Variants in EDIL3 observed in about 807,000 individuals in gnomAD.
The protein encoded by EDIL3 is EGF-like repeat and discoidin I-like domain-containing protein 3.
Under a neutral mutation model 67.4 loss-of-function variants are expected in EDIL3, and 37 were observed. The observed-to-expected ratio is 0.55, with a 90% CI of 0.42 to 0.72. The LOEUF (loss-of-function observed/expected upper bound fraction) is 0.72. Among genes scored for constraint, EDIL3 ranks in the 30% least tolerant of loss-of-function variants. EDIL3 has a pLI of 0.00. For synonymous variants in EDIL3, 195 were observed against 196.3 expected (o/e 0.99, Z 0.05); for missense variants, 527 against 586.3 (o/e 0.90, Z 1.04).
chr5:83,949,125 A>G (rs571574533), intron 10 of EDIL3, among the ~76,000 whole-genome samples: 1 of 151,770 alleles, frequency 6.6e-6, no homozygotes, highest in Admixed American at 6.6e-5. Flanking sequence ...TATATTGATC[A>G]TCAGTCTGCA....
At chr5:84,275,321 T>C (rs1445849537) in intron 1 of EDIL3, among the ~76,000 whole-genome samples, 2 of 152,214 alleles carry the variant, frequency 1.3e-5, no homozygotes, top group African/African-American at 4.8e-5. Flanking sequence ...AAATCCATTT[T>C]CCTACAATCA....
At chr5:84,314,118 C>CCTGCCT (rs1484930981) in intron 1 of EDIL3, among the ~76,000 whole-genome samples, 2 of 152,010 alleles carry the variant, frequency 1.3e-5, no homozygotes, top group Admixed American at 6.6e-5. Flanking sequence ...ATTGCTTGAA[C>CCTGCCT]CAGGGAGGCG....
Position 84,172,608 on chromosome 5 carries a change from AC to A in EDIL3, c.355+7784del, listed in dbSNP as rs200285347. Among the ~76,000 whole-genome samples, 575 of 151,908 alleles carry A rather than the reference AC, an allele frequency of 3.8e-3. 3 individuals carry two copies. Among genetic ancestry groups the A allele is most frequent in the African/African-American group, 0.013 (540 of 41,362 alleles). On this transcript the variant is annotated intron_variant, in intron 4 of 10. Coordinates refer to ENST00000296591, the MANE Select transcript of EDIL3 (RefSeq NM_005711.5). ...AAAAAACAAAACAACAACAACAACA[AC>A]AAAAAAATAAAAATAAAAGAAAAAG...
intron 1 of EDIL3, among the ~76,000 whole-genome samples, chr5:84,323,011 C>G (rs1426650195): frequency 3.9e-5 from 6 of 151,982 alleles, no homozygotes; most frequent in Non-Finnish European, 8.8e-5. Flanking sequence ...TCCAGATCAA[C>G]AAAACCTGAG....
At chr5:83,958,016 G>A (rs1217971910) in intron 10 of EDIL3, among the ~76,000 whole-genome samples, 1 of 151,462 alleles carries the variant, frequency 6.6e-6, no homozygotes, top group Non-Finnish European at 1.5e-5. Context: ...TTTACTTTGT[G>A]ATTTTCATAA....
At chr5:83,976,201 G>C (rs757478743) in intron 9 of EDIL3, among the ~76,000 whole-genome samples, 16 of 151,744 alleles carry the variant, frequency 1.1e-4, no homozygotes, top group South Asian at 2.1e-4. Context: ...CTCTTTTGTA[G>C]AGTAGCATTT....
intron 9 of EDIL3, among the ~76,000 whole-genome samples, chr5:84,051,105 T>A (rs111262443): frequency 5.3e-5 from 8 of 152,256 alleles, no homozygotes; most frequent in African/African-American, 1.7e-4. Context: ...GGTACCCCTC[T>A]GAGACAAAAC....
At chr5:83,972,771 T>C (rs2112140073) in intron 9 of EDIL3, among the ~76,000 whole-genome samples, 1 of 152,128 alleles carries the variant, frequency 6.6e-6, no homozygotes, top group Non-Finnish European at 1.5e-5. Context: ...ACATTTGGAG[T>C]TAATAAAATG....
chr5:84,230,989 G>T (rs1744566162), intron 2 of EDIL3, among the ~76,000 whole-genome samples: 1 of 152,092 alleles, frequency 6.6e-6, no homozygotes, highest in South Asian at 2.1e-4. Context: ...TTTTATCCTT[G>T]GGTAGTGGTT....
At chr5:84,026,618 T>A (rs1232740773) in intron 9 of EDIL3, among the ~76,000 whole-genome samples, 3 of 152,216 alleles carry the variant, frequency 2.0e-5, no homozygotes, top group African/African-American at 7.2e-5. Context: ...ATTCAGTCAG[T>A]ACAAAATTTT....
intron 6 of EDIL3, among the ~76,000 whole-genome samples, chr5:84,098,166 T>C (rs1389514749): frequency 1.3e-5 from 2 of 151,914 alleles, no homozygotes; most frequent in Middle Eastern, 3.4e-3. Context: ...GTTATGAGCA[T>C]TGTGGTACTA....
At chr5:84,284,057 C>T (rs1218502901) in intron 1 of EDIL3, among the ~76,000 whole-genome samples, 1 of 152,114 alleles carries the variant, frequency 6.6e-6, no homozygotes, top group Non-Finnish European at 1.5e-5. Flanking sequence ...ACCATCATCG[C>T]ACCTCACATC....
At chr5:84,141,245 T>C (rs1748183220) in intron 4 of EDIL3, among the ~76,000 whole-genome samples, 1 of 151,156 alleles carries the variant, frequency 6.6e-6, no homozygotes, top group African/African-American at 2.4e-5. Context: ...TTTATAATAA[T>C]AATATCATTT....
chr5:84,008,105 A>G (rs188952457), intron 9 of EDIL3, among the ~76,000 whole-genome samples: 48 of 152,262 alleles, frequency 3.2e-4, no homozygotes, highest in African/African-American at 1.1e-3. Flanking sequence ...GAGACAGAGA[A>G]TAGAATGAGG....
chr5:84,285,263 G>A (rs764022687), intron 1 of EDIL3, among the ~76,000 whole-genome samples: 24 of 152,168 alleles, frequency 1.6e-4, no homozygotes, highest in Non-Finnish European at 2.8e-4. Context: ...ATTAAGTAAA[G>A]TACATTTAAA....
chr5:84,377,170 CA>C (rs1276705993), intron 1 of EDIL3, among the ~76,000 whole-genome samples: 1 of 151,940 alleles, frequency 6.6e-6, no homozygotes, highest in African/African-American at 2.4e-5. Flanking sequence ...ACTAAAAATA[CA>C]GAAAAATTAG....
intron 1 of EDIL3, among the ~76,000 whole-genome samples, chr5:84,359,362 AC>A (rs1369043648): frequency 3.3e-5 from 5 of 152,364 alleles, no homozygotes; most frequent in Non-Finnish European, 7.3e-5. Flanking sequence ...ACAACATATT[AC>A]TAATATTAAA....
At chr5:84,000,997 A>T (rs985382168) in intron 9 of EDIL3, among the ~76,000 whole-genome samples, 1 of 152,072 alleles carries the variant, frequency 6.6e-6, no homozygotes, top group Non-Finnish European at 1.5e-5. Flanking sequence ...ACTAAGAGGA[A>T]AGTTTATAGC....
At chr5:84,205,455 G>A (rs919268540) in intron 3 of EDIL3, among the ~76,000 whole-genome samples, 5 of 152,152 alleles carry the variant, frequency 3.3e-5, no homozygotes, top group African/African-American at 9.7e-5. Context: ...AATATGAAAT[G>A]TGCAATAGCC....
Sources: gnomAD v4.1 joint callset for allele counts (sites outside exome capture counted in the v4.1 genomes callset) on GRCh38, gnomAD v4.1.1 for gene constraint, MANE v1.5 for transcripts, NCBI Gene and HGNC (gene_info 2026-07-23, HGNC 2026-07-21) for gene names.